The following GPC5 variants were observed in gnomAD, a reference collection of about 807,000 sequenced individuals.
GPC5 encodes the protein glypican 5, also known as glypican-5.
Under a neutral mutation model 53.9 loss-of-function variants are expected in GPC5, and 47 were observed. The observed-to-expected ratio is 0.87, with a 90% CI of 0.69 to 1.11. GPC5 has a LOEUF of 1.11. Among genes scored for constraint, GPC5 ranks in the 50% most tolerant of loss-of-function variants. The pLI is 0.00. For missense variants in GPC5, 748 were observed against 713.1 expected (o/e 1.05, Z -0.56); for synonymous variants, 286 against 263.3 (o/e 1.09, Z -0.84).
intron 7 of GPC5, among the ~76,000 whole-genome samples, chr13:92,785,572 C>T (rs569020128): frequency 1.3e-5 from 2 of 152,258 alleles, no homozygotes; most frequent in East Asian, 3.9e-4. Context: ...TCCAATTCTC[C>T]GTGGAATATA....
intron 6 of GPC5, among the ~76,000 whole-genome samples, chr13:92,101,310 T>C (rs2041465446): frequency 6.6e-6 from 1 of 152,178 alleles, no homozygotes; most frequent in Non-Finnish European, 1.5e-5. Context: ...AATTTCAAAA[T>C]GATATTTTAT....
intron 7 of GPC5, among the ~76,000 whole-genome samples, chr13:92,712,132 C>G (rs548914955): frequency 2.7e-5 from 4 of 149,818 alleles, no homozygotes; most frequent in African/African-American, 7.3e-5. Context: ...AAATGATAAA[C>G]CACTAGTGAG....
At chr13:92,417,316 A>G (rs1302754939) in intron 7 of GPC5, among the ~76,000 whole-genome samples, 1 of 152,184 alleles carries the variant, frequency 6.6e-6, no homozygotes, top group Non-Finnish European at 1.5e-5. Flanking sequence ...ACCACTTCAC[A>G]TAGATTAAGG....
chr13:92,567,284 G>C (rs1364532149), intron 7 of GPC5, among the ~76,000 whole-genome samples: 5 of 152,094 alleles, frequency 3.3e-5, no homozygotes, highest in African/African-American at 1.2e-4. Context: ...CTGTTCTTCA[G>C]CATTTGTAGG....
rs1034398369 is a variant in GPC5 at position 92,692,309 on chromosome 13, C to T, written c.1562-173973C>T. 3.9e-5 allele frequency among the ~76,000 whole-genome samples: 6 copies of T among 152,136 alleles called. No homozygotes were observed. In the South Asian group the frequency reaches 8.3e-4, roughly 21 times the overall value. On this transcript the variant is annotated intron_variant, in intron 7 of 7. Transcript: ENST00000377067. The stretch of plus-strand genomic sequence containing the variant: ...CACCTGAGTTGATTCCCTTTCTTTG[C>T]TATTGTGAATAGTGCTGCAATGAAT...
chr13:92,183,404 A>G (rs1292838610), intron 7 of GPC5, among the ~76,000 whole-genome samples: 1 of 152,098 alleles, frequency 6.6e-6, no homozygotes, highest in Non-Finnish European at 1.5e-5. Context: ...TAGCAGCACC[A>G]TTTATTAATC....
intron 7 of GPC5, among the ~76,000 whole-genome samples, chr13:92,436,029 TA>T (rs1877291542): frequency 6.6e-6 from 1 of 152,162 alleles, no homozygotes; most frequent in South Asian, 2.1e-4. Context: ...GCCTATTGAG[TA>T]AATTAACATC....
intron 2 of GPC5, among the ~76,000 whole-genome samples, chr13:91,604,452 C>A (rs967742965): frequency 2.0e-5 from 3 of 151,504 alleles, no homozygotes; most frequent in Non-Finnish European, 4.4e-5. Context: ...ATTTATAGTC[C>A]TTTGGGTATA....
intron 7 of GPC5, among the ~76,000 whole-genome samples, chr13:92,436,692 A>G (rs1877319154): frequency 6.6e-6 from 1 of 152,136 alleles, no homozygotes; most frequent in African/African-American, 2.4e-5. Flanking sequence ...ATCACACAAA[A>G]TTTTTGAACG....
At chr13:91,651,602 C>A (rs886593234) in intron 2 of GPC5, among the ~76,000 whole-genome samples, 1 of 151,742 alleles carries the variant, frequency 6.6e-6, no homozygotes, top group African/African-American at 2.4e-5. Flanking sequence ...CCTGTAATCC[C>A]AGCTATTTGG....
At chr13:91,460,923 A>G (rs1350709186) in intron 2 of GPC5, among the ~76,000 whole-genome samples, 1 of 152,162 alleles carries the variant, frequency 6.6e-6, no homozygotes, top group Non-Finnish European at 1.5e-5. Flanking sequence ...CCATTTCTCA[A>G]TGTAGCTGTT....
chr13:91,846,645 A>G (rs2038852260), intron 5 of GPC5, among the ~76,000 whole-genome samples: 1 of 151,982 alleles, frequency 6.6e-6, no homozygotes, highest in Non-Finnish European at 1.5e-5. Context: ...AAAAGGAAGG[A>G]GGAACTAAGT....
intron 7 of GPC5, among the ~76,000 whole-genome samples, chr13:92,333,358 T>A (rs1156630178): frequency 2.6e-5 from 4 of 152,138 alleles, no homozygotes; most frequent in Admixed American, 2.0e-4. Context: ...CCAGAGCTTA[T>A]CCTCTTGGGT....
intron 7 of GPC5, among the ~76,000 whole-genome samples, chr13:92,256,263 C>T (rs905500993): frequency 8.6e-5 from 13 of 151,770 alleles, no homozygotes; most frequent in South Asian, 2.1e-4. Context: ...CGAATGTCCA[C>T]GAATATGGGA....
At chr13:92,032,383 A>G (rs1444886486) in intron 6 of GPC5, among the ~76,000 whole-genome samples, 1 of 151,558 alleles carries the variant, frequency 6.6e-6, no homozygotes, top group African/African-American at 2.4e-5. Flanking sequence ...AATCACCACT[A>G]AAGAACTGAC....
chr13:92,337,284 G>C (rs1319472330), intron 7 of GPC5, among the ~76,000 whole-genome samples: 2 of 151,024 alleles, frequency 1.3e-5, no homozygotes, highest in Non-Finnish European at 3.0e-5. Context: ...TATGATAAAA[G>C]AAATCAAAGA....
chr13:91,571,737 A>G (rs541928955), intron 2 of GPC5, among the ~76,000 whole-genome samples: 13 of 126,790 alleles, frequency 1.0e-4, no homozygotes, highest in African/African-American at 2.4e-4. Context: ...ATATATATAT[A>G]TGTATATATA....
At chr13:91,756,060 A>G (rs1371454876) in intron 4 of GPC5, among the ~76,000 whole-genome samples, 1 of 114,014 alleles carries the variant, frequency 8.8e-6, no homozygotes, top group Admixed American at 1.1e-4. Context: ...AAACTAAAAT[A>G]CTAGCTTTTT....
chr13:92,164,500 C>A (rs2042013026), intron 7 of GPC5, among the ~76,000 whole-genome samples: 1 of 152,214 alleles, frequency 6.6e-6, no homozygotes, highest in Non-Finnish European at 1.5e-5. Context: ...ATCCAGGTCA[C>A]ACTGATGCAA....
Sources: gnomAD v4.1 joint callset for allele counts (sites outside exome capture counted in the v4.1 genomes callset) on GRCh38, gnomAD v4.1.1 for gene constraint, MANE v1.5 for transcripts, NCBI Gene and HGNC (gene_info 2026-07-23, HGNC 2026-07-21) for gene names.